The following STAT5B variants were observed in gnomAD, a reference collection of about 807,000 sequenced individuals.
STAT5B encodes transcription factor STAT5B.
In STAT5B, 21 loss-of-function variants were observed where a neutral mutation model predicts 107.8. The ratio of observed to expected loss-of-function variants is 0.19; its 90% confidence interval spans 0.14 to 0.28. The LOEUF (loss-of-function observed/expected upper bound fraction) is 0.28, where lower values mean the gene tolerates loss of function less well. STAT5B is among the 10% of genes least tolerant of loss of function. The probability of loss-of-function intolerance (pLI) is 1.00; values close to 1 mark genes in which losing one functional copy is unlikely to be tolerated. For missense variants in STAT5B, 565 were observed against 1,008.2 expected (o/e 0.56, Z 5.95); for synonymous variants, 325 against 401.7 (o/e 0.81, Z 2.28).
intron 1 of STAT5B, among the ~76,000 whole-genome samples, chr17:42,264,118 AG>A (rs2080645245): frequency 6.6e-6 from 1 of 152,134 alleles, no homozygotes. Flanking sequence ...TAAATGATTT[AG>A]TTTATTAAAC....
At chr17:42,258,706 A>C (rs1039251779) in intron 1 of STAT5B, among the ~76,000 whole-genome samples, 1 of 152,220 alleles carries the variant, frequency 6.6e-6, no homozygotes, top group Non-Finnish European at 1.5e-5. Context: ...AAAACCATTA[A>C]GATAAACTAA....
At chr17:42,284,264 C>CTT in the STAT5B span, among the ~76,000 whole-genome samples, 1 of 145,546 alleles carries the variant, frequency 6.9e-6, no homozygotes, top group Non-Finnish European at 1.5e-5. Context: ...CTCTCTCCCT[C>CTT]TTTTTTTTTT....
the STAT5B span, among the ~76,000 whole-genome samples, chr17:42,284,584 T>C: frequency 1.3e-5 from 2 of 152,190 alleles, no homozygotes; most frequent in African/African-American, 4.8e-5. Context: ...ATAATTCTCT[T>C]AATCCATAAA....
upstream of STAT5B, among the ~76,000 whole-genome samples, chr17:42,279,691 C>T (rs902561748): frequency 6.6e-6 from 1 of 152,010 alleles, no homozygotes; most frequent in East Asian, 1.9e-4. Context: ...ATCCCAGCTA[C>T]TTGGGAGGCT....
chr17:42,286,949 C>T, the STAT5B span, among the ~76,000 whole-genome samples: 1 of 152,172 alleles, frequency 6.6e-6, no homozygotes, highest in Non-Finnish European at 1.5e-5. Context: ...AGTTGACCCC[C>T]TAGCTCTGTG....
At chr17:42,215,255 C>G (rs2080161837) in intron 12 of STAT5B, among the ~76,000 whole-genome samples, 1 of 152,174 alleles carries the variant, frequency 6.6e-6, no homozygotes, top group Non-Finnish European at 1.5e-5. Flanking sequence ...AACTTCTATG[C>G]TAAAGTAAGC....
chr17:42,268,753 T>C (rs564124940), intron 1 of STAT5B: 4 of 152,316 alleles, frequency 2.6e-5, no homozygotes, highest in African/African-American at 4.8e-5. Context: ...TAGATTTCTG[T>C]AGATCTCTAA....
chr17:42,231,035 ATTAT>A (rs2080313226), intron 2 of STAT5B, among the ~76,000 whole-genome samples: 2 of 151,626 alleles, frequency 1.3e-5, no homozygotes, highest in Non-Finnish European at 2.9e-5. Flanking sequence ...CCACTGTTAA[ATTAT>A]TAATTTTTAG....
chr17:42,203,610 T>C (rs2080063183), intron 16 of STAT5B, among the ~76,000 whole-genome samples: 1 of 152,056 alleles, frequency 6.6e-6, no homozygotes, highest in African/African-American at 2.4e-5. Context: ...AAGGACTGAT[T>C]TCCTTGTCAC....
upstream of STAT5B, chr17:42,276,462 G>T (rs1194946852): frequency 6.7e-6 from 1 of 148,392 alleles, no homozygotes; most frequent in African/African-American, 2.4e-5. The surrounding 1 kb of genome is among the most constrained non-coding windows in gnomAD (Gnocchi z 4.8). Context: ...GACGCGCGCC[G>T]CTGGCAACCC....
At chr17:42,213,139 T>C (rs563977902) in intron 12 of STAT5B, among the ~76,000 whole-genome samples, 1 of 152,314 alleles carries the variant, frequency 6.6e-6, no homozygotes, top group Non-Finnish European at 1.5e-5. Context: ...TTACTAACAA[T>C]GCTGCAATGT....
At chr17:42,283,767 T>C in the STAT5B span, among the ~76,000 whole-genome samples, 1 of 152,178 alleles carries the variant, frequency 6.6e-6, no homozygotes, top group African/African-American at 2.4e-5. Flanking sequence ...CCCTAGGTCC[T>C]GATCTGTCTT....
At chr17:42,255,516 C>T (rs193278383) in intron 1 of STAT5B, among the ~76,000 whole-genome samples, 1 of 152,040 alleles carries the variant, frequency 6.6e-6, no homozygotes, top group African/African-American at 2.4e-5. Context: ...AAGTCTCCAA[C>T]CAAAAGAATT....
upstream of STAT5B, among the ~76,000 whole-genome samples, chr17:42,281,345 T>TG (rs1371958949): frequency 6.6e-6 from 1 of 152,102 alleles, no homozygotes; most frequent in Non-Finnish European, 1.5e-5. Context: ...AGAAGGGCCC[T>TG]GGGGGACAGG....
At chr17:42,264,946 C>T (rs1171053256) in intron 1 of STAT5B, among the ~76,000 whole-genome samples, 21 of 119,344 alleles carry the variant, frequency 1.8e-4, no homozygotes, top group African/African-American at 4.6e-4. Context: ...ATTTGCATTT[C>T]TCTGATGGCC....
rs568560438 is a variant in STAT5B at position 42,201,266 on chromosome 17, A to G, written c.*472T>C. 1.9e-5 allele frequency: 9 copies of G among 472,570 alleles called. No homozygotes were observed. Among genetic ancestry groups the G allele is most frequent in the South Asian group, 1.0e-4 (2 of 20,026 alleles). 29.3% of individuals were successfully genotyped at this position (472,570 alleles called of 1,614,324 possible). On this transcript the variant is annotated 3_prime_UTR_variant, in exon 19 of 19. Coordinates refer to ENST00000293328, the MANE Select transcript of STAT5B (RefSeq NM_012448.4). ...GAAAAGCAGAGACAATCACGGTTATATATCAATTGCTTGGCAGACAGAGTG... is the reference window on the plus strand; with the variant it reads ...GAAAAGCAGAGACAATCACGGTTATGTATCAATTGCTTGGCAGACAGAGTG...
At chr17:42,260,755 T>C (rs1052937040) in intron 1 of STAT5B, among the ~76,000 whole-genome samples, 2 of 152,144 alleles carry the variant, frequency 1.3e-5, no homozygotes, top group South Asian at 2.1e-4. Context: ...TTAAAGTATA[T>C]TGTTAAAATT....
At chr17:42,253,100 C>T (rs1418457215) in intron 1 of STAT5B, among the ~76,000 whole-genome samples, 2 of 149,064 alleles carry the variant, frequency 1.3e-5, no homozygotes, top group African/African-American at 5.0e-5. Context: ...GTCTGATAGA[C>T]GTTGAACCTT....
At chr17:42,281,439 TTAAA>T (rs1216787056), upstream of STAT5B, among the ~76,000 whole-genome samples, 1 of 152,336 alleles carries the variant, frequency 6.6e-6, no homozygotes, top group Admixed American at 6.5e-5. Context: ...ATGCTCCCTA[TTAAA>T]ACATTAGTAA....
Sources: gnomAD v4.1 joint callset for allele counts (sites outside exome capture counted in the v4.1 genomes callset) on GRCh38, gnomAD v4.1.1 for gene constraint, Gnocchi (gnomAD v3.1) non-coding constraint, MANE v1.5 for transcripts, NCBI Gene and HGNC (gene_info 2026-07-23, HGNC 2026-07-21) for gene names.